The following MEGF11 variants were observed in gnomAD, a reference collection of about 807,000 sequenced individuals.
The protein encoded by MEGF11 is multiple epidermal growth factor-like domains protein 11.
MEGF11 carries 126 observed loss-of-function variants against 146.6 expected under a neutral mutation model. The ratio of observed to expected loss-of-function variants is 0.86; its 90% CI spans 0.74 to 1.00. The LOEUF (loss-of-function observed/expected upper bound fraction) is 1.00. MEGF11 is among the 50% of genes least tolerant of loss of function. The probability of loss-of-function intolerance (pLI) is 0.00; values close to 1 mark genes in which losing one functional copy is unlikely to be tolerated. For synonymous variants in MEGF11, 532 were observed against 583.4 expected (o/e 0.91, Z 1.27); for missense variants, 1,509 against 1,521.2 (o/e 0.99, Z 0.13).
At chr15:66,232,470 C>T (rs62009959) in intron 1 of MEGF11, among the ~76,000 whole-genome samples, 69,891 of 151,972 alleles carry the variant, frequency 0.46, 17,025 homozygotes, top group East Asian at 0.68. Context: ...ATCTGAGCTC[C>T]ACCCTTCTCT....
intron 1 of MEGF11, among the ~76,000 whole-genome samples, chr15:66,140,291 G>GT (rs2089083503): frequency 6.6e-6 from 1 of 152,194 alleles, no homozygotes; most frequent in African/African-American, 2.4e-5. Context: ...TTGCAAAAGC[G>GT]TTTTGGTAAC....
chr15:66,002,281 C>CGA (rs1040300668), intron 5 of MEGF11, among the ~76,000 whole-genome samples: 1 of 152,084 alleles, frequency 6.6e-6, no homozygotes, highest in African/African-American at 2.4e-5. Context: ...CACTCAGGCT[C>CGA]GAGAGAGAGA....
chr15:66,003,096 C>T (rs553000812), intron 5 of MEGF11, among the ~76,000 whole-genome samples: 4 of 151,810 alleles, frequency 2.6e-5, no homozygotes, highest in African/African-American at 9.7e-5. Context: ...TGGGTTCAAG[C>T]GATTCTCCTG....
chr15:65,932,017 A>C (rs2079596279), intron 10 of MEGF11, among the ~76,000 whole-genome samples: 1 of 152,196 alleles, frequency 6.6e-6, no homozygotes, highest in Non-Finnish European at 1.5e-5. Flanking sequence ...TAAACTGGCT[A>C]CCCTGGAAAA....
chr15:65,962,302 C>T (rs2080886160), intron 9 of MEGF11, among the ~76,000 whole-genome samples: 1 of 152,166 alleles, frequency 6.6e-6, no homozygotes, highest in South Asian at 2.1e-4. Flanking sequence ...TCATTTAGCC[C>T]AGAGGCTCTC....
At chr15:65,990,575 G>A (rs1186138772) in intron 5 of MEGF11, among the ~76,000 whole-genome samples, 1 of 124,410 alleles carries the variant, frequency 8.0e-6, no homozygotes, top group Non-Finnish European at 1.7e-5. Context: ...GCAAGCAAGG[G>A]AAGAAAGGAA....
At chr15:66,103,784 G>C (rs2086935169) in intron 4 of MEGF11, among the ~76,000 whole-genome samples, 1 of 152,180 alleles carries the variant, frequency 6.6e-6, no homozygotes, top group Admixed American at 6.5e-5. Flanking sequence ...GTAGTCTTTA[G>C]CTAGTTAAAG....
intron 5 of MEGF11, among the ~76,000 whole-genome samples, chr15:66,076,170 T>G (rs2085570279): frequency 1.3e-5 from 2 of 151,760 alleles, no homozygotes; most frequent in African/African-American, 4.8e-5. Context: ...GATACATAGT[T>G]GGACAAGGGG....
At chr15:65,909,694 T>TAGGGTGGGACATG in intron 22 of MEGF11, 46 bp downstream of exon 22, 1 of 1,503,410 alleles carries the variant, frequency 6.7e-7, no homozygotes, top group Admixed American at 1.9e-5. Flanking sequence ...GGAAGAAGAA[T>TAGGGTGGGACATG]AGGGTGGGAC....
chr15:66,041,166 T>C (rs554734854), intron 5 of MEGF11, among the ~76,000 whole-genome samples: 13 of 152,292 alleles, frequency 8.5e-5, no homozygotes, highest in East Asian at 1.9e-4. Flanking sequence ...CTTTTGAAAA[T>C]TGGGGCAGGA....
At chr15:66,056,937 C>T (rs1413496236) in intron 5 of MEGF11, among the ~76,000 whole-genome samples, 1 of 152,200 alleles carries the variant, frequency 6.6e-6, no homozygotes, top group African/African-American at 2.4e-5. Flanking sequence ...ATTCAGTCCT[C>T]AATGTTGCAG....
intron 5 of MEGF11, among the ~76,000 whole-genome samples, chr15:66,034,818 A>G (rs1379073213): frequency 1.4e-5 from 2 of 146,280 alleles, no homozygotes; most frequent in Admixed American, 6.6e-5. Flanking sequence ...CCTCATGATG[A>G]ATTAATGGAT....
intron 1 of MEGF11, among the ~76,000 whole-genome samples, chr15:66,230,070 C>G (rs2032044012): frequency 6.6e-6 from 1 of 152,312 alleles, no homozygotes; most frequent in Non-Finnish European, 1.5e-5. Flanking sequence ...CTCCTTAGAA[C>G]CACTGCATCA....
intron 1 of MEGF11, among the ~76,000 whole-genome samples, chr15:66,147,465 G>A (rs1464697310): frequency 6.6e-6 from 1 of 152,224 alleles, no homozygotes; most frequent in Non-Finnish European, 1.5e-5. Context: ...CAGACCCTGT[G>A]GTTTGGTCTC....
rs1182573762 is a variant in MEGF11, at chr15:66,178,636, C to T, written c.-8-50225G>A. The stretch of plus-strand genomic sequence containing the variant: ...CAGCATTTAAGGAAGCCCGCACTCT[C>T]AGATGCTGACCCTGCATTTGCAGAC... On this transcript the variant is annotated intron_variant, in intron 1 of 25. Transcript: ENST00000395614. 2.0e-5 allele frequency among the ~76,000 whole-genome samples: 3 copies of T among 152,236 alleles called. No individual in the cohort carries two copies. In the East Asian group the frequency reaches 5.8e-4, roughly 29 times the overall value.
intron 4 of MEGF11, among the ~76,000 whole-genome samples, chr15:66,114,809 G>A (rs1720513461): frequency 6.6e-6 from 1 of 152,188 alleles, no homozygotes; most frequent in Non-Finnish European, 1.5e-5. Context: ...TGGTACGGAT[G>A]GTTTCAGGAG....
chr15:65,920,978 C>G (rs540660449), intron 15 of MEGF11, among the ~76,000 whole-genome samples: 16 of 152,294 alleles, frequency 1.1e-4, no homozygotes, highest in African/African-American at 3.6e-4. Context: ...AATAAGTGAA[C>G]CTCGACATGT....
At chr15:65,915,349 T>C (rs2078957715) in intron 19 of MEGF11, 121 bp downstream of exon 19, 2 of 1,330,550 alleles carry the variant, frequency 1.5e-6, no homozygotes, top group East Asian at 5.0e-5. Context: ...CTATTCCTGC[T>C]GTCCTCACAA....
At chr15:66,177,667 C>G (rs1167243800) in intron 1 of MEGF11, among the ~76,000 whole-genome samples, 1 of 151,546 alleles carries the variant, frequency 6.6e-6, no homozygotes, top group Non-Finnish European at 1.5e-5. Flanking sequence ...TTCCCCAATT[C>G]CATTGCCTTT....
Sources: gnomAD v4.1 joint callset for allele counts (sites outside exome capture counted in the v4.1 genomes callset) on GRCh38, gnomAD v4.1.1 for gene constraint, MANE v1.5 for transcripts, NCBI Gene and HGNC (gene_info 2026-07-23, HGNC 2026-07-21) for gene names.